MYL1: variants seen among roughly 807,000 people sequenced by gnomAD.
The protein encoded by MYL1 is myosin light chain 1, also known as myosin light chain 1/3, skeletal muscle isoform.
A neutral mutation model predicts 21.8 loss-of-function variants in MYL1; 16 were observed. That is an observed-to-expected ratio of 0.74 (90% CI 0.50 to 1.12). MYL1 has a LOEUF of 1.12. MYL1 is among the 50% of genes most tolerant of loss of function. The pLI, the probability that MYL1 is intolerant of heterozygous loss-of-function variation, is 0.00. For synonymous variants in MYL1, 99 were observed against 85.2 expected (o/e 1.16, Z -0.89); for missense variants, 246 against 241.0 (o/e 1.02, Z -0.14).
intron 1 of MYL1, among the ~76,000 whole-genome samples, chr2:210,310,378 A>G (rs1559664043): frequency 6.6e-6 from 1 of 151,998 alleles, no homozygotes; most frequent in Non-Finnish European, 1.5e-5. Flanking sequence ...ATAGGTTGGG[A>G]TTTCCAGTTT....
chr2:210,292,744 A>G (rs1690099391), intron 5 of MYL1, among the ~76,000 whole-genome samples: 1 of 152,162 alleles, frequency 6.6e-6, no homozygotes, highest in Admixed American at 6.5e-5. Context: ...TGTGCTCTTT[A>G]TGTTTTTAGC....
rs541494909 is a variant in MYL1 at position 210,307,705 on chromosome 2, A to C, written c.133-5190T>G. On this transcript the variant is annotated intron_variant, in intron 1 of 6. Coordinates refer to ENST00000352451, the MANE Select transcript of MYL1 (RefSeq NM_079420.3). ...TCGGATTTAGGTAACAGTAGTCTAC[A>C]ACATACTGCTACTAAAAATTTTTTA... Among the ~76,000 whole-genome samples, 11 of 152,286 alleles carry C rather than the reference A, an allele frequency of 7.2e-5. No individual in the cohort carries two copies. The East Asian group carries it at 2.1e-3, about 29-fold the overall frequency.
intron 1 of MYL1, among the ~76,000 whole-genome samples, chr2:210,304,075 C>G (rs568304368): frequency 5.9e-5 from 9 of 152,112 alleles, no homozygotes; most frequent in Admixed American, 2.0e-4. Context: ...AGTGTACTGT[C>G]CTTTATGGTA....
chr2:210,296,839 A>C (rs1575702933), intron 3 of MYL1, among the ~76,000 whole-genome samples: 1 of 152,036 alleles, frequency 6.6e-6, no homozygotes, highest in South Asian at 2.1e-4. Context: ...CCACTTCTCC[A>C]GATCAAAATT....
At chr2:210,301,562 T>C (rs1230471133) in intron 2 of MYL1, among the ~76,000 whole-genome samples, 1 of 152,074 alleles carries the variant, frequency 6.6e-6, no homozygotes, top group East Asian at 1.9e-4. Context: ...AATATTCTAA[T>C]TTATACAATA....
chr2:210,302,013 G>A, intron 2 of MYL1, among the ~76,000 whole-genome samples: 1 of 151,910 alleles, frequency 6.6e-6, no homozygotes, highest in East Asian at 1.9e-4. Context: ...CTTTGTTTCT[G>A]AATTCATTTT....
At chr2:210,303,421 A>C in intron 1 of MYL1, 1 of 805,380 alleles carries the variant, frequency 1.2e-6, no homozygotes, top group East Asian at 3.0e-5. Flanking sequence ...TAGATACTAA[A>C]GACTCATATT....
chr2:210,298,541 CAGG>C lies in MYL1; in HGVS notation c.180_182del (p.Leu61del). On this transcript the variant is annotated inframe_deletion, in exon 3 of 7. Transcript: ENST00000352451. The stretch of plus-strand genomic sequence containing the variant: ...TCTTGGAATCACCTGTTCTGTCAAA[CAGG>C]AGAAATGCCTCCTTGAATTCTGCAA... 2 of 1,614,096 alleles carry C rather than the reference CAGG, an allele frequency of 1.2e-6. No homozygotes were observed. The highest frequency in any genetic ancestry group is 1.7e-6 in the Non-Finnish European group (2 of 1,179,994).
At chr2:210,309,571 G>A (rs1420146360) in intron 1 of MYL1, among the ~76,000 whole-genome samples, 3 of 152,062 alleles carry the variant, frequency 2.0e-5, no homozygotes, top group Admixed American at 6.5e-5. Flanking sequence ...ATTCTGCTTT[G>A]AGGTAAGAAA....
intron 1 of MYL1, among the ~76,000 whole-genome samples, chr2:210,309,864 G>A (rs1323571564): frequency 6.6e-6 from 1 of 152,022 alleles, no homozygotes; most frequent in Non-Finnish European, 1.5e-5. Context: ...ACTTAAAAGT[G>A]TTATTCACTA....
At chr2:210,304,389 C>T (rs1402750669) in intron 1 of MYL1, among the ~76,000 whole-genome samples, 4 of 151,936 alleles carry the variant, frequency 2.6e-5, no homozygotes, top group Admixed American at 2.6e-4. Context: ...TTACTCTCAT[C>T]CTATACATTT....
At chr2:210,308,071 G>A (rs1575706809) in intron 1 of MYL1, among the ~76,000 whole-genome samples, 1 of 151,868 alleles carries the variant, frequency 6.6e-6, no homozygotes, top group East Asian at 1.9e-4. Context: ...AGAACTTGAT[G>A]GTCCTTGCAA....
intron 1 of MYL1, 149 bp from the exon 2 acceptor site, chr2:210,302,664 T>A: frequency 6.6e-7 from 1 of 1,506,948 alleles, no homozygotes. Context: ...GCTTGGACAC[T>A]AACAGGTTAA....
At chr2:210,312,777 G>T (rs1348106815) in intron 1 of MYL1, among the ~76,000 whole-genome samples, 4 of 151,082 alleles carry the variant, frequency 2.6e-5, no homozygotes, top group Non-Finnish European at 5.9e-5. Flanking sequence ...TTTGATTTGT[G>T]TCCCTTACTA....
chr2:210,312,730 T>A (rs1478484867), intron 1 of MYL1, among the ~76,000 whole-genome samples: 2 of 151,894 alleles, frequency 1.3e-5, no homozygotes, highest in Admixed American at 1.3e-4. Flanking sequence ...TAAAGGTTAT[T>A]TTTTTTCCTG....
rs748358398 is a variant in MYL1 at position 210,293,749 on chromosome 2, T to A, written c.530A>T (p.Asp177Val). 4.3e-6 allele frequency: 7 copies of A among 1,613,970 alleles called. No individual in the cohort carries two copies. In the African/African-American group the frequency reaches 6.7e-5, roughly 15 times the overall value. Residue 177 changes from aspartate (D) to valine (V), a missense_variant, in exon 5 of 7, where the codon GAC becomes GTC. Transcript: ENST00000352451. ...EVEALMAGQEDSNGCINYEAF... is the reference protein window; with the variant it reads ...EVEALMAGQEVSNGCINYEAF... ...TTCGTAGTTGATGCAGCCATTGGAG[T>A]CTTCTTGACCTGCCATCAGGGCTTC...
At chr2:210,294,499 C>T in intron 3 of MYL1, 81 bp from the exon 4 acceptor site, 1 of 1,346,648 alleles carries the variant, frequency 7.4e-7, no homozygotes. Flanking sequence ...AAAAGTTATT[C>T]TAGGTTATCT....
chr2:210,299,927 C>A (rs999121778), intron 2 of MYL1, among the ~76,000 whole-genome samples: 3 of 152,138 alleles, frequency 2.0e-5, no homozygotes, highest in East Asian at 1.9e-4. Flanking sequence ...TGCTATTCCT[C>A]CCTCCCCTAA....
chr2:210,315,162 G>T lies in MYL1; in HGVS notation c.-120C>A, dbSNP rs541581724. ...TCCACAGCCCAGTGTCTTGAAGATG[G>T]ACCCAGAGTGTTAAACGGCATAAGG... On this transcript the variant is annotated 5_prime_UTR_variant, in exon 1 of 7. Coordinates refer to ENST00000352451, the MANE Select transcript of MYL1 (RefSeq NM_079420.3). The T allele has an allele frequency of 8.3e-7, 1 of 1,205,702 alleles. No individual in the cohort carries two copies. Among genetic ancestry groups the T allele is most frequent in the Non-Finnish European group, 1.2e-6 (1 of 848,630 alleles). The allele number at this position is 1,205,702 out of a possible 1,614,324, so 74.7% of individuals were successfully genotyped here.
Sources: allele counts gnomAD v4.1 joint callset (sites outside exome capture counted in the v4.1 genomes callset), GRCh38; gene constraint gnomAD v4.1.1; transcripts MANE v1.5; gene names NCBI Gene and HGNC (gene_info 2026-07-23, HGNC 2026-07-21).